The following PLXNA2 variants were observed in gnomAD, a reference collection of about 807,000 sequenced individuals.
PLXNA2 encodes the protein plexin-A2.
A neutral mutation model predicts 193.5 loss-of-function variants in PLXNA2; 91 were observed. That is an observed-to-expected ratio of 0.47 (90% CI 0.40 to 0.56). PLXNA2 has a LOEUF of 0.56. Among genes scored for constraint, PLXNA2 ranks in the 20% least tolerant of loss-of-function variants. The pLI is 0.00. For synonymous variants in PLXNA2, 997 were observed against 1,027.3 expected (o/e 0.97, Z 0.56); for missense variants, 1,995 against 2,503.2 (o/e 0.80, Z 4.33).
chr1:208,037,181 G>T (rs1664695891), intron 26 of PLXNA2, among the ~76,000 whole-genome samples: 1 of 151,924 alleles, frequency 6.6e-6, no homozygotes, highest in African/African-American at 2.4e-5. Context: ...GGTGCAGAGA[G>T]ATTAAAGTCA....
Position 208,098,432 on chromosome 1 carries a change from CCTCTCTCTCT to C in PLXNA2, c.1731+404_1731+413del, listed in dbSNP as rs200790325. Among the ~76,000 whole-genome samples the C allele has an allele frequency of 2.0e-4, 28 of 137,356 alleles. 1 individual carries two copies. Among genetic ancestry groups the C allele is most frequent in the East Asian group, 8.8e-4 (4 of 4,526 alleles). The allele number at this position is 137,356 out of a possible 152,430, so 90.1% of individuals were successfully genotyped here. A position where few individuals can be genotyped will look rare whatever the true frequency, so the allele number is the denominator to read the frequency against. On this transcript the variant is annotated intron_variant, in intron 6 of 31. Coordinates refer to ENST00000367033, the MANE Select transcript of PLXNA2 (RefSeq NM_025179.4). ...AGTCTCTTTCTTGCTCTTATTCTTTCCTCTCTCTCTCTCTCTCTCTCTCTCTCACACACAC... is the reference window on the plus strand; with the variant it reads ...AGTCTCTTTCTTGCTCTTATTCTTTCCTCTCTCTCTCTCTCTCACACACAC...
chr1:208,186,713 AT>A (rs1213903948), intron 3 of PLXNA2, among the ~76,000 whole-genome samples: 30 of 130,864 alleles, frequency 2.3e-4, no homozygotes, highest in African/African-American at 3.3e-4. Context: ...ATGTTATTTT[AT>A]TTTTTTTTTT....
chr1:208,152,269 A>AC (rs1553288467), intron 3 of PLXNA2, among the ~76,000 whole-genome samples: 1 of 152,212 alleles, frequency 6.6e-6, no homozygotes, highest in African/African-American at 2.4e-5. Context: ...AGTCATTAAA[A>AC]ACACACACAC....
At chr1:208,228,509 T>TTGTG (rs1482693136) in intron 1 of PLXNA2, among the ~76,000 whole-genome samples, 5 of 152,330 alleles carry the variant, frequency 3.3e-5, no homozygotes, top group Non-Finnish European at 7.3e-5. Context: ...GATCTGCAAG[T>TTGTG]TGTGCCTTGT....
At position 208,217,614 on chromosome 1, in the gene PLXNA2, G is replaced by A. The variant is rs1387685665; in HGVS notation, c.309C>T (p.Cys103=). The change falls in exon 2 of 32, where the codon TGC becomes TGT. Residue 103 remains cysteine, a synonymous_variant. Transcript: ENST00000367033. This position sits in a 1 kb window ranked among gnomAD's most constrained non-coding sequence, Gnocchi z 4.7. ...TGTTGGTGAGGGTGAGCACTTCGCT[G>A]CAGGGCTGCACGATGAGGGGCGGGT... is the stretch of plus-strand genomic sequence containing the variant. ...SCYPPLIVQP[C]SEVLTLTNNV... is the part of the protein sequence containing the mutation. 4.3e-6 allele frequency: 7 copies of A among 1,614,218 alleles called. No homozygotes were observed. The highest frequency in any genetic ancestry group is 2.2e-5 in the East Asian group (1 of 44,882).
chr1:208,201,762 C>T (rs529447441), intron 3 of PLXNA2, among the ~76,000 whole-genome samples: 6 of 152,046 alleles, frequency 3.9e-5, no homozygotes, highest in Admixed American at 2.0e-4. Context: ...AAAAAAAAAT[C>T]GAAGTTCACA....
At chr1:208,179,325 G>T (rs893138618) in intron 3 of PLXNA2, among the ~76,000 whole-genome samples, 1 of 152,214 alleles carries the variant, frequency 6.6e-6, no homozygotes, top group South Asian at 2.1e-4. Flanking sequence ...CAAGGGGTAA[G>T]GTTGCAGCTT....
At chr1:208,122,950 C>T (rs534630461) in intron 4 of PLXNA2, among the ~76,000 whole-genome samples, 22 of 152,300 alleles carry the variant, frequency 1.4e-4, no homozygotes, top group African/African-American at 4.3e-4. Context: ...ATTCACCAAA[C>T]TAGATTGCGC....
intron 3 of PLXNA2, among the ~76,000 whole-genome samples, chr1:208,182,290 G>C (rs902876990): frequency 1.3e-5 from 2 of 152,190 alleles, no homozygotes; most frequent in Middle Eastern, 6.8e-3. Flanking sequence ...AAAATTAGCC[G>C]GGCATGGTGG....
At chr1:208,099,389 A>C (rs926081962) in intron 5 of PLXNA2, among the ~76,000 whole-genome samples, 1 of 152,194 alleles carries the variant, frequency 6.6e-6, no homozygotes, top group Non-Finnish European at 1.5e-5. Context: ...GGGGGAGTTT[A>C]AATACCCTCT....
intron 1 of PLXNA2, among the ~76,000 whole-genome samples, chr1:208,240,290 A>G (rs1672005061): frequency 6.6e-6 from 1 of 152,196 alleles, no homozygotes; most frequent in Admixed American, 6.5e-5. Flanking sequence ...CCTGAGGGCT[A>G]AGCCCAGGAG....
At chr1:208,124,717 C>A (rs566829925) in intron 4 of PLXNA2, among the ~76,000 whole-genome samples, 2 of 150,714 alleles carry the variant, frequency 1.3e-5, no homozygotes, top group Non-Finnish European at 3.0e-5. Context: ...CCAGAGATAC[C>A]CTATGTTTTA....
chr1:208,037,879 A>C (rs1394644521), intron 26 of PLXNA2, among the ~76,000 whole-genome samples: 3 of 151,128 alleles, frequency 2.0e-5, no homozygotes, highest in African/African-American at 7.3e-5. Context: ...AGCCTGAGTA[A>C]TTTTCCCAAG....
intron 3 of PLXNA2, among the ~76,000 whole-genome samples, chr1:208,151,840 C>T (rs1203958933): frequency 6.6e-6 from 1 of 152,196 alleles, no homozygotes; most frequent in Non-Finnish European, 1.5e-5. Context: ...TTTTATTCTG[C>T]CTCCCTCCAG....
At chr1:208,099,087 G>A in intron 5 of PLXNA2, 118 bp from the exon 6 acceptor site, 1 of 1,310,852 alleles carries the variant, frequency 7.6e-7, no homozygotes, top group Non-Finnish European at 1.0e-6. Context: ...GTCTTCTCAA[G>A]AAGACTTTTA....
intron 13 of PLXNA2, among the ~76,000 whole-genome samples, chr1:208,056,163 C>T (rs181936684): frequency 7.9e-5 from 12 of 152,234 alleles, no homozygotes; most frequent in East Asian, 3.8e-4. Flanking sequence ...CCTGGCAACC[C>T]GCTGCTGTTT....
At chr1:208,139,261 CTG>C (rs1373260516) in intron 4 of PLXNA2, among the ~76,000 whole-genome samples, 3 of 152,102 alleles carry the variant, frequency 2.0e-5, no homozygotes, top group Non-Finnish European at 2.9e-5. Flanking sequence ...AACTGAGACT[CTG>C]AGAAGTTGAG....
At chr1:208,029,983 C>T in intron 29 of PLXNA2, 1 of 985,606 alleles carries the variant, frequency 1.0e-6, no homozygotes. Context: ...TCCCCAGCTT[C>T]TTCTTCTCTC....
chr1:208,089,331 G>C (rs1666635382), intron 9 of PLXNA2, among the ~76,000 whole-genome samples: 1 of 152,204 alleles, frequency 6.6e-6, no homozygotes, highest in East Asian at 1.9e-4. Flanking sequence ...GTGTGGCTGT[G>C]ACCATGGAAA....
Sources: allele counts gnomAD v4.1 joint callset (sites outside exome capture counted in the v4.1 genomes callset), GRCh38; gene constraint gnomAD v4.1.1; non-coding constraint Gnocchi (gnomAD v3.1); transcripts MANE v1.5; gene names NCBI Gene and HGNC (gene_info 2026-07-23, HGNC 2026-07-21).